The following SERGEF variants were observed in gnomAD, a reference collection of about 807,000 sequenced individuals.
SERGEF encodes the protein secretion-regulating guanine nucleotide exchange factor.
A neutral mutation model predicts 50.0 loss-of-function variants in SERGEF; 51 were observed. That is an observed-to-expected ratio of 1.02 (90% CI 0.81 to 1.29). The LOEUF is 1.29. SERGEF is among the 50% of genes most tolerant of loss of function. The pLI, the probability that SERGEF is intolerant of heterozygous loss-of-function variation, is 0.00. For synonymous variants in SERGEF, 205 were observed against 212.4 expected, an observed-to-expected ratio of 0.97 and a Z score of 0.30; for missense variants, 521 against 557.0, an observed-to-expected ratio of 0.94 and a Z score of 0.65.
intron 10 of SERGEF, among the ~76,000 whole-genome samples, chr11:17,829,915 T>C (rs943365191): frequency 2.6e-5 from 4 of 152,172 alleles, no homozygotes; most frequent in African/African-American, 9.7e-5. Flanking sequence ...TGAGATTAGT[T>C]TGATGGAGGA....
At chr11:17,977,976 T>C (rs1853413517) in intron 8 of SERGEF, among the ~76,000 whole-genome samples, 1 of 152,218 alleles carries the variant, frequency 6.6e-6, no homozygotes, top group Non-Finnish European at 1.5e-5. Flanking sequence ...AGTCAATTGC[T>C]ACATTTCCCA....
At position 17,959,469 on chromosome 11, in the gene SERGEF, C is replaced by T. The variant is rs758267417; in HGVS notation, c.1011+1G>A. ...TACATCTGTGAGAAGTCACTTCCTA[C>T]CTCAGTTGCTCCAGTTAAGCAATGC... On this transcript the variant is annotated splice_donor_variant, in intron 9 of 10. Coordinates refer to ENST00000265965, the MANE Select transcript of SERGEF (RefSeq NM_012139.4). LOFTEE classifies it high-confidence loss of function. 2 of 1,612,190 alleles carry T rather than the reference C, an allele frequency of 1.2e-6. No homozygotes were observed. The highest frequency in any genetic ancestry group is 1.7e-6 in the Non-Finnish European group (2 of 1,179,278).
intron 9 of SERGEF, chr11:17,939,658 G>T (rs1205826350): frequency 1.3e-5 from 2 of 152,426 alleles, no homozygotes; most frequent in African/African-American, 2.4e-5. Flanking sequence ...CATGACTCCT[G>T]ACAGATGGGG....
At chr11:17,802,495 T>C (rs187290945) in intron 10 of SERGEF, among the ~76,000 whole-genome samples, 81 of 152,298 alleles carry the variant, frequency 5.3e-4, no homozygotes, top group African/African-American at 1.9e-3. Flanking sequence ...ATCTTTCAAA[T>C]GGCATTCTAG....
At chr11:17,990,532 G>A (rs957592383) in intron 7 of SERGEF, among the ~76,000 whole-genome samples, 9 of 152,166 alleles carry the variant, frequency 5.9e-5, no homozygotes, top group African/African-American at 2.2e-4. Flanking sequence ...TGCCACTGAC[G>A]ATGAAGCCTG....
Position 18,004,525 on chromosome 11 carries a change from T to G in SERGEF, c.363A>C (p.Gln121His), listed in dbSNP as rs1179153329. 6.2e-7 allele frequency: 1 copy of G among 1,612,104 alleles called. No homozygotes were observed. Among genetic ancestry groups the G allele is most frequent in the East Asian group, 2.2e-5 (1 of 44,854 alleles). ...AGGAGTTGGATCCACATGATAGAAC[T>G]TGACCATTTTCTGCAAAATACAAAT... ...DFTIMLTENG[Q>H]VLSCGSNSFG... The change falls in exon 4 of 11, where the codon CAA (glutamine) becomes CAC (histidine). Residue 121 changes from glutamine to histidine, a missense_variant. Gln to His is a conservative substitution (Grantham distance 24). Coordinates refer to ENST00000265965, the MANE Select transcript of SERGEF (RefSeq NM_012139.4).
At chr11:17,860,789 TTA>T (rs1850912225) in intron 10 of SERGEF, among the ~76,000 whole-genome samples, 1 of 152,126 alleles carries the variant, frequency 6.6e-6, no homozygotes, top group African/African-American at 2.4e-5. Flanking sequence ...TAGAACAGGG[TTA>T]TATGTTAAGA....
intron 9 of SERGEF, among the ~76,000 whole-genome samples, chr11:17,947,038 A>T (rs141037962): frequency 6.6e-6 from 1 of 152,324 alleles, no homozygotes; most frequent in East Asian, 1.9e-4. Flanking sequence ...AGCAACATAT[A>T]CTTTCCTCTG....
chr11:18,006,961 G>A (rs558437107), intron 2 of SERGEF, among the ~76,000 whole-genome samples: 1 of 152,308 alleles, frequency 6.6e-6, no homozygotes, highest in East Asian at 1.9e-4. Context: ...AAGTCTTGGC[G>A]CAGTGGTCAA....
chr11:17,841,366 T>G (rs61882416), intron 10 of SERGEF, among the ~76,000 whole-genome samples: 18,641 of 152,260 alleles, frequency 0.12, 1,328 homozygotes, highest in Middle Eastern at 0.27. Flanking sequence ...TTCCCACTTA[T>G]GCACCCAGAA....
intron 8 of SERGEF, among the ~76,000 whole-genome samples, chr11:17,970,205 T>C (rs930082764): frequency 7.9e-5 from 12 of 152,234 alleles, no homozygotes; most frequent in Non-Finnish European, 1.3e-4. Context: ...GAACAGCATG[T>C]GTTCTGTGTG....
chr11:17,788,378 C>T lies in SERGEF; in HGVS notation c.1084G>A (p.Gly362Ser), dbSNP rs1474446805. ...VCYSWGWNEH[G>S]MCGDGTEANV... Reference sequence around the variant, plus strand: ...GCTTCAGTGCCATCTCCGCACATGCCATGCTCATTCCAGCCCCAAGAGTAA... The same window carrying T: ...GCTTCAGTGCCATCTCCGCACATGCTATGCTCATTCCAGCCCCAAGAGTAA... The change falls in exon 11 of 11, where the codon GGC becomes AGC. Residue 362 changes from glycine (G) to serine (S), a missense_variant. Transcript: ENST00000265965. 1.2e-6 allele frequency: 2 copies of T among 1,612,750 alleles called. No homozygotes were observed. The highest frequency in any genetic ancestry group is 4.5e-5 in the East Asian group (2 of 44,838).
At chr11:17,846,318 G>A (rs758993320) in intron 10 of SERGEF, among the ~76,000 whole-genome samples, 7 of 152,106 alleles carry the variant, frequency 4.6e-5, no homozygotes, top group South Asian at 2.1e-4. Flanking sequence ...GTTAATACAC[G>A]GCAGAACAAG....
chr11:17,917,411 CA>C (rs1392102699), intron 9 of SERGEF, among the ~76,000 whole-genome samples: 2 of 152,082 alleles, frequency 1.3e-5, no homozygotes, highest in Admixed American at 6.6e-5. Context: ...TTCAATGACT[CA>C]GGGGGGAAGG....
At chr11:17,943,590 T>C (rs750406708) in intron 9 of SERGEF, among the ~76,000 whole-genome samples, 3 of 152,188 alleles carry the variant, frequency 2.0e-5, no homozygotes, top group African/African-American at 4.8e-5. Flanking sequence ...TTTTCTTCTT[T>C]CTATTTACTT....
intron 9 of SERGEF, among the ~76,000 whole-genome samples, chr11:17,903,777 G>A (rs539644042): frequency 6.6e-6 from 1 of 152,320 alleles, no homozygotes; most frequent in Non-Finnish European, 1.5e-5. Flanking sequence ...TGGAAGGAAG[G>A]AAGAGGCACA....
chr11:17,935,824 G>GATAA (rs1852440063), intron 9 of SERGEF, among the ~76,000 whole-genome samples: 1 of 152,156 alleles, frequency 6.6e-6, no homozygotes, highest in African/African-American at 2.4e-5. Context: ...AGTAAAGGAA[G>GATAA]ATAAATAATA....
intron 10 of SERGEF, among the ~76,000 whole-genome samples, chr11:17,792,882 T>A (rs138275411): frequency 9.8e-5 from 15 of 152,298 alleles, no homozygotes; most frequent in South Asian, 2.1e-4. Flanking sequence ...TAGGTCTCTG[T>A]CATGTATTCT....
intron 10 of SERGEF, among the ~76,000 whole-genome samples, chr11:17,820,898 G>A (rs1304856706): frequency 6.6e-6 from 1 of 152,146 alleles, no homozygotes; most frequent in Non-Finnish European, 1.5e-5. Context: ...ACAAGTCAAG[G>A]AATGGCAGCA....
Sources: gnomAD v4.1 joint callset for allele counts (sites outside exome capture counted in the v4.1 genomes callset) on GRCh38, gnomAD v4.1.1 for gene constraint, MANE v1.5 for transcripts, NCBI Gene and HGNC (gene_info 2026-07-23, HGNC 2026-07-21) for gene names.